Variants in KYNU observed in about 807,000 individuals in gnomAD.
The protein encoded by KYNU is L-kynurenine hydrolase.
KYNU carries 54 observed loss-of-function variants against 59.2 expected under a neutral mutation model. The observed-to-expected ratio is 0.91, with a 90% confidence interval of 0.73 to 1.14. The LOEUF is 1.14. Among genes scored for constraint, KYNU ranks in the 50% most tolerant of loss-of-function variants. The pLI, the probability that KYNU is intolerant of heterozygous loss-of-function variation, is 0.00. For synonymous variants in KYNU, 177 were observed against 192.0 expected (o/e 0.92, Z 0.65); for missense variants, 567 against 554.4 (o/e 1.02, Z -0.23).
intron 11 of KYNU, among the ~76,000 whole-genome samples, chr2:143,032,081 C>G (rs374923186): frequency 1.3e-5 from 2 of 152,000 alleles, no homozygotes; most frequent in South Asian, 4.2e-4. Flanking sequence ...ATCGAGACCA[C>G]CCTGGCTAAC....
intron 12 of KYNU, among the ~76,000 whole-genome samples, chr2:143,039,364 T>C (rs954456993): frequency 6.6e-5 from 10 of 152,132 alleles, no homozygotes; most frequent in African/African-American, 2.4e-4. Context: ...TATTGCACTT[T>C]TTTGAGGATA....
At chr2:142,954,465 G>A (rs1249638798) in intron 4 of KYNU, among the ~76,000 whole-genome samples, 1 of 152,024 alleles carries the variant, frequency 6.6e-6, no homozygotes, top group South Asian at 2.1e-4. Context: ...TTCCTTTGAA[G>A]ATATACTTAG....
intron 10 of KYNU, among the ~76,000 whole-genome samples, chr2:142,998,561 T>C (rs1014306090): frequency 3.3e-5 from 5 of 152,196 alleles, no homozygotes; most frequent in African/African-American, 4.8e-5. Flanking sequence ...CTTGAACTTG[T>C]AACAGATGAG....
At position 143,046,768 on chromosome 2, in the gene KYNU, G is replaced by A. The variant is rs904235583; in HGVS notation, c.*4596G>A. On this transcript the variant is annotated 3_prime_UTR_variant, in exon 14 of 14. Transcript: ENST00000264170. Reference sequence around the variant, plus strand: ...GCCCTGAATTGTCCTGGTTATCCTGGGCCCCCTACTTTTTTTATATTTTTG... The same window carrying A: ...GCCCTGAATTGTCCTGGTTATCCTGAGCCCCCTACTTTTTTTATATTTTTG... 12 of 151,568 alleles carry A rather than the reference G, an allele frequency of 7.9e-5. No homozygotes were observed. Among genetic ancestry groups the A allele is most frequent in the Admixed American group, 7.9e-4 (12 of 15,200 alleles). 9.4% of individuals were successfully genotyped at this position (151,568 alleles called of 1,614,324 possible). A position where few individuals can be genotyped will look rare whatever the true frequency, so the allele number is the denominator to read the frequency against.
At chr2:142,992,320 G>A (rs1685418310) in intron 10 of KYNU, among the ~76,000 whole-genome samples, 1 of 151,614 alleles carries the variant, frequency 6.6e-6, no homozygotes, top group Admixed American at 6.6e-5. Context: ...TTAAGGTCAT[G>A]CTGAGAAAGT....
chr2:142,979,837 T>C (rs1685001354), intron 8 of KYNU, among the ~76,000 whole-genome samples: 1 of 151,976 alleles, frequency 6.6e-6, no homozygotes, highest in African/African-American at 2.4e-5. Context: ...GGGCTCCCAA[T>C]CCAAGAGACC....
At chr2:143,023,113 A>G (rs889008785) in intron 10 of KYNU, among the ~76,000 whole-genome samples, 1 of 151,886 alleles carries the variant, frequency 6.6e-6, no homozygotes, top group African/African-American at 2.4e-5. Context: ...AAAGCTATGA[A>G]TTGTTCTCTC....
intron 8 of KYNU, among the ~76,000 whole-genome samples, chr2:142,966,962 G>A (rs1438821327): frequency 6.7e-6 from 1 of 148,526 alleles, no homozygotes; most frequent in East Asian, 2.0e-4. Flanking sequence ...TCACTGAATA[G>A]TTCCACACTA....
intron 10 of KYNU, among the ~76,000 whole-genome samples, chr2:143,000,792 T>C (rs1011743024): frequency 6.6e-6 from 1 of 152,120 alleles, no homozygotes; most frequent in African/African-American, 2.4e-5. Context: ...AGTCAATTCT[T>C]GGAGCAGTGC....
intron 2 of KYNU, among the ~76,000 whole-genome samples, chr2:142,913,644 A>G (rs1466954955): frequency 2.0e-5 from 3 of 152,186 alleles, no homozygotes; most frequent in Non-Finnish European, 2.9e-5. Flanking sequence ...TGTTCTGTTC[A>G]CAGACGAGAA....
intron 1 of KYNU, among the ~76,000 whole-genome samples, chr2:142,884,169 A>C (rs1681408517): frequency 6.6e-6 from 1 of 152,232 alleles, no homozygotes; most frequent in Non-Finnish European, 1.5e-5. Context: ...ATGTGGTTTC[A>C]AGAAACATCA....
intron 12 of KYNU, among the ~76,000 whole-genome samples, chr2:143,036,777 A>G (rs1215173188): frequency 1.3e-5 from 2 of 152,208 alleles, no homozygotes; most frequent in Admixed American, 6.5e-5. Flanking sequence ...GAACCACTGC[A>G]CTCAGCCACC....
At chr2:142,888,478 A>G (rs1227645901) in intron 2 of KYNU, among the ~76,000 whole-genome samples, 1 of 152,144 alleles carries the variant, frequency 6.6e-6, no homozygotes, top group Non-Finnish European at 1.5e-5. Flanking sequence ...TAATTATTCT[A>G]ATAATTTTGA....
intron 4 of KYNU, among the ~76,000 whole-genome samples, chr2:142,943,503 G>C (rs1165355014): frequency 2.0e-5 from 3 of 152,046 alleles, no homozygotes; most frequent in Non-Finnish European, 4.4e-5. Flanking sequence ...ATTTTATAGA[G>C]AGCCAATAAT....
chr2:142,914,072 C>T (rs528629669), intron 2 of KYNU, among the ~76,000 whole-genome samples: 19 of 152,304 alleles, frequency 1.2e-4, no homozygotes, highest in African/African-American at 3.6e-4. Flanking sequence ...AAGGCCTGTG[C>T]GGCTCCACTG....
chr2:142,886,192 T>G (rs1681505512), intron 2 of KYNU, among the ~76,000 whole-genome samples: 1 of 152,188 alleles, frequency 6.6e-6, no homozygotes. Flanking sequence ...TTTACTCCAT[T>G]TTACATTAAT....
intron 10 of KYNU, among the ~76,000 whole-genome samples, chr2:143,026,214 C>A (rs572377262): frequency 6.6e-6 from 1 of 152,196 alleles, no homozygotes; most frequent in East Asian, 1.9e-4. Flanking sequence ...CTATTTTAAT[C>A]TTTTTGTATA....
chr2:142,912,703 CTTTTTTTTTTT>C (rs1163302368), intron 2 of KYNU, among the ~76,000 whole-genome samples: 30 of 71,838 alleles, frequency 4.2e-4, no homozygotes, highest in Non-Finnish European at 3.4e-4. Context: ...TTCTTTCTTC[CTTTTTTTTTTT>C]TTTTTTTTTT....
chr2:142,988,025 C>CA (rs1362903950), intron 10 of KYNU, among the ~76,000 whole-genome samples: 8 of 151,824 alleles, frequency 5.3e-5, no homozygotes, highest in African/African-American at 1.9e-4. Context: ...GCACAGCCTG[C>CA]AAAACCATGA....
Sources: allele counts gnomAD v4.1 joint callset (sites outside exome capture counted in the v4.1 genomes callset), GRCh38; gene constraint gnomAD v4.1.1; transcripts MANE v1.5; gene names NCBI Gene and HGNC (gene_info 2026-07-23, HGNC 2026-07-21).